UBASH3B: variants seen among roughly 807,000 people sequenced by gnomAD.
The protein encoded by UBASH3B is ubiquitin associated and SH3 domain containing B.
In UBASH3B, 37 loss-of-function variants were observed where a neutral mutation model predicts 83.4. That is an observed-to-expected ratio of 0.44 (90% CI 0.34 to 0.58). The LOEUF (loss-of-function observed/expected upper bound fraction) is 0.58, where lower values mean the gene tolerates loss of function less well. Ranked by LOEUF, UBASH3B falls within the 20% of genes least tolerant of loss-of-function variation. The pLI, the probability that UBASH3B is intolerant of heterozygous loss-of-function variation, is 0.01. For missense variants in UBASH3B, 657 were observed against 827.2 expected (o/e 0.79, Z 2.52); for synonymous variants, 304 against 318.3 (o/e 0.96, Z 0.48).
At chr11:122,715,220 C>A (rs1165449874) in intron 1 of UBASH3B, among the ~76,000 whole-genome samples, 2 of 152,312 alleles carry the variant, frequency 1.3e-5, no homozygotes, top group East Asian at 1.9e-4. Flanking sequence ...GCTGGGATTA[C>A]AGGCATGAGC....
chr11:122,774,928 A>G (rs1860707722), intron 1 of UBASH3B, among the ~76,000 whole-genome samples: 1 of 152,138 alleles, frequency 6.6e-6, no homozygotes, highest in Non-Finnish European at 1.5e-5. Flanking sequence ...TCCTTAGTGC[A>G]GCCTTCCCCA....
At position 122,700,497 on chromosome 11, in the gene UBASH3B, C is replaced by CTTTT. The variant is rs10640825; in HGVS notation, c.161+44301_161+44304dup. Among the ~76,000 whole-genome samples, 1,183 of 118,746 alleles carry CTTTT rather than the reference C, an allele frequency of 1.0e-2. 97 individuals are homozygous for CTTTT. The East Asian group carries it at 0.1, about 10-fold the overall frequency. 77.9% of individuals were successfully genotyped at this position (118,746 alleles called of 152,430 possible). ...CTCACTCTCATAGTTTACTTCTGAT[C>CTTTT]TTTTTTTTTTTTTTTTTGAGATGGA... On this transcript the variant is annotated intron_variant, in intron 1 of 13. Transcript: ENST00000284273.
At chr11:122,687,539 G>A (rs1277960750) in intron 1 of UBASH3B, among the ~76,000 whole-genome samples, 1 of 152,158 alleles carries the variant, frequency 6.6e-6, no homozygotes, top group Non-Finnish European at 1.5e-5. Context: ...AGATGAGTGA[G>A]GAGGGACCAC....
chr11:122,811,165 AATC>A lies in UBASH3B; in HGVS notation c.*1284_*1286del, dbSNP rs1344052601. The A allele has an allele frequency of 6.6e-6, 1 of 152,646 alleles. No homozygotes were observed. Among genetic ancestry groups the A allele is most frequent in the African/African-American group, 2.4e-5 (1 of 41,452 alleles). The allele number at this position is 152,646 out of a possible 1,614,324, so 9.5% of individuals were successfully genotyped here. A position where few individuals can be genotyped will look rare whatever the true frequency, so the allele number is the denominator to read the frequency against. On this transcript the variant is annotated 3_prime_UTR_variant, in exon 14 of 14. Coordinates refer to ENST00000284273, the MANE Select transcript of UBASH3B (RefSeq NM_032873.5). Reference sequence around the variant, plus strand: ...AAAGAAATAAATGACAATCAAACCAAATCATCAGTTATCAATGTCTGTTTAATT... The same window carrying A: ...AAAGAAATAAATGACAATCAAACCAAATCAGTTATCAATGTCTGTTTAATT...
intron 11 of UBASH3B, among the ~76,000 whole-genome samples, chr11:122,803,834 G>T (rs900960034): frequency 2.6e-5 from 4 of 152,030 alleles, no homozygotes; most frequent in Non-Finnish European, 5.9e-5. Context: ...CCAGAGCACC[G>T]TATTCCAGGT....
chr11:122,680,954 GC>G (rs1408835707), intron 1 of UBASH3B, among the ~76,000 whole-genome samples: 45 of 152,338 alleles, frequency 3.0e-4, no homozygotes, highest in Admixed American at 1.3e-3. Flanking sequence ...GCTGTGAGCA[GC>G]CGGTCCCAGG....
At position 122,759,813 on chromosome 11, in the gene UBASH3B, G is replaced by A. The variant is rs562493437; in HGVS notation, c.162-16406G>A. Among the ~76,000 whole-genome samples, 46 of 152,282 alleles carry A rather than the reference G, an allele frequency of 3.0e-4. 1 individual carries two copies. The highest frequency in any genetic ancestry group is 1.1e-3 in the African/African-American group (45 of 41,560). ...TGCAGCCTGGCTCCTAACAGGCCACGTACCAGTACCCATCTGTGGCTCAGG... is the reference window on the plus strand; with the variant it reads ...TGCAGCCTGGCTCCTAACAGGCCACATACCAGTACCCATCTGTGGCTCAGG... On this transcript the variant is annotated intron_variant, in intron 1 of 13. Transcript: ENST00000284273. This position sits in a 1 kb window ranked among gnomAD's most constrained non-coding sequence, Gnocchi z 4.1.
At chr11:122,670,802 G>A (rs538523275) in intron 1 of UBASH3B, among the ~76,000 whole-genome samples, 2 of 152,072 alleles carry the variant, frequency 1.3e-5, no homozygotes, top group African/African-American at 4.8e-5. Context: ...GAGCTCTGTT[G>A]CCCAGGCTGG....
intron 1 of UBASH3B, among the ~76,000 whole-genome samples, chr11:122,724,749 T>C (rs1240161541): frequency 6.6e-6 from 1 of 151,934 alleles, no homozygotes; most frequent in Non-Finnish European, 1.5e-5. Flanking sequence ...AACTCCAGCA[T>C]GTGCAGGAAA....
chr11:122,797,862 G>A (rs573239128), intron 9 of UBASH3B, among the ~76,000 whole-genome samples: 2 of 152,182 alleles, frequency 1.3e-5, no homozygotes, highest in African/African-American at 4.8e-5. Context: ...GGGAAACAAA[G>A]TGTCTTGTGT....
chr11:122,755,552 A>G (rs1861270004), intron 1 of UBASH3B, among the ~76,000 whole-genome samples: 1 of 152,108 alleles, frequency 6.6e-6, no homozygotes, highest in Non-Finnish European at 1.5e-5. Context: ...ATGGCTCTGC[A>G]GGGAAAAGGC....
Position 122,729,622 on chromosome 11 carries a change from A to G in UBASH3B, c.162-46597A>G, listed in dbSNP as rs145668961. Among the ~76,000 whole-genome samples the G allele has an allele frequency of 6.6e-5, 10 of 152,152 alleles. No homozygotes were observed. The East Asian group carries it at 1.9e-3, about 29-fold the overall frequency. Reference sequence around the variant, plus strand: ...AATACTCTAGGGTAAATAAATCTTTATGAGTATTTTGGAGTAAAATGATAT... The same window carrying G: ...AATACTCTAGGGTAAATAAATCTTTGTGAGTATTTTGGAGTAAAATGATAT... On this transcript the variant is annotated intron_variant, in intron 1 of 13. Transcript: ENST00000284273.
chr11:122,740,766 A>C (rs1861011215), intron 1 of UBASH3B, among the ~76,000 whole-genome samples: 1 of 152,204 alleles, frequency 6.6e-6, no homozygotes, highest in Non-Finnish European at 1.5e-5. Flanking sequence ...AGGTCAGTTG[A>C]GGCCAGCTTT....
At chr11:122,780,473 G>A (rs1163990131) in intron 4 of UBASH3B, among the ~76,000 whole-genome samples, 1 of 152,222 alleles carries the variant, frequency 6.6e-6, no homozygotes, top group Non-Finnish European at 1.5e-5. Context: ...AATCTGGTGG[G>A]GGGAGAGCCT....
intron 1 of UBASH3B, chr11:122,726,211 C>A: frequency 6.5e-6 from 1 of 153,730 alleles, no homozygotes; most frequent in South Asian, 2.0e-4. Flanking sequence ...CTTTTCATGT[C>A]AGATGGGTAA....
chr11:122,733,977 C>A (rs1032229251), intron 1 of UBASH3B, among the ~76,000 whole-genome samples: 1 of 152,164 alleles, frequency 6.6e-6, no homozygotes, highest in African/African-American at 2.4e-5. Flanking sequence ...CCTCCGCCTC[C>A]TGTGTCCAAG....
At chr11:122,660,261 T>C (rs929420340) in intron 1 of UBASH3B, among the ~76,000 whole-genome samples, 7 of 152,150 alleles carry the variant, frequency 4.6e-5, no homozygotes, top group African/African-American at 1.7e-4. Context: ...GAAGTGGCGA[T>C]TTCACGGTGT....
rs74786564 is a variant in UBASH3B, at chr11:122,677,330, G to A, written c.161+21120G>A. Reference sequence around the variant, plus strand: ...TCATTCCCCTATGGATACCAAGGGAGTACTGTACGTTCTTTTCAAATATTC... The same window carrying A: ...TCATTCCCCTATGGATACCAAGGGAATACTGTACGTTCTTTTCAAATATTC... On this transcript the variant is annotated intron_variant, in intron 1 of 13. Coordinates refer to ENST00000284273, the MANE Select transcript of UBASH3B (RefSeq NM_032873.5). Among the ~76,000 whole-genome samples the A allele has an allele frequency of 8.6e-3, 1,303 of 152,328 alleles. 16 individuals carry two copies. The highest frequency in any genetic ancestry group is 0.03 in the African/African-American group (1,232 of 41,574).
At chr11:122,750,230 T>G (rs1199038537) in intron 1 of UBASH3B, among the ~76,000 whole-genome samples, 2 of 152,186 alleles carry the variant, frequency 1.3e-5, no homozygotes, top group Non-Finnish European at 2.9e-5. Flanking sequence ...ACCACTGGCC[T>G]CCTCCCACTG....
Sources: allele counts gnomAD v4.1 joint callset (sites outside exome capture counted in the v4.1 genomes callset), GRCh38; gene constraint gnomAD v4.1.1; non-coding constraint Gnocchi (gnomAD v3.1); transcripts MANE v1.5; gene names NCBI Gene and HGNC (gene_info 2026-07-23, HGNC 2026-07-21).